The following FSTL5 variants were observed in gnomAD, a reference collection of about 807,000 sequenced individuals.
The protein encoded by FSTL5 is follistatin-related protein 5.
Under a neutral mutation model 89.1 loss-of-function variants are expected in FSTL5, and 62 were observed. The ratio of observed to expected loss-of-function variants is 0.70; its 90% CI spans 0.57 to 0.86. The LOEUF is 0.86. FSTL5 is among the 40% of genes least tolerant of loss of function. The pLI is 0.00. For missense variants in FSTL5, 1,057 were observed against 1,001.6 expected, an observed-to-expected ratio of 1.06 and a Z score of -0.75; for synonymous variants, 383 against 346.2, an observed-to-expected ratio of 1.11 and a Z score of -1.18.
At chr4:161,405,365 T>C (rs961975465) in intron 15 of FSTL5, among the ~76,000 whole-genome samples, 1 of 151,686 alleles carries the variant, frequency 6.6e-6, no homozygotes, top group African/African-American at 2.4e-5. Flanking sequence ...TAACAAAGAA[T>C]TATAAATACA....
At chr4:162,016,130 G>A (rs1434070844) in intron 3 of FSTL5, among the ~76,000 whole-genome samples, 7 of 151,962 alleles carry the variant, frequency 4.6e-5, no homozygotes, top group African/African-American at 9.7e-5. Context: ...ATCCACCTAC[G>A]GGCATCCTAA....
chr4:161,469,728 C>T (rs1733871563), intron 13 of FSTL5, among the ~76,000 whole-genome samples: 1 of 151,814 alleles, frequency 6.6e-6, no homozygotes, highest in Non-Finnish European at 1.5e-5. Context: ...AGCTCCGCCT[C>T]CCGGGTTCAC....
chr4:161,920,116 AC>A (rs1184332708), intron 4 of FSTL5, among the ~76,000 whole-genome samples: 3 of 152,142 alleles, frequency 2.0e-5, no homozygotes, highest in Non-Finnish European at 4.4e-5. Flanking sequence ...TGAATTGGCC[AC>A]CCTGTGTCCC....
intron 2 of FSTL5, among the ~76,000 whole-genome samples, chr4:162,087,120 C>G (rs1256808026): frequency 1.3e-5 from 2 of 152,054 alleles, no homozygotes; most frequent in African/African-American, 4.8e-5. Context: ...TCTAGATTTT[C>G]AGTGTTTTTC....
chr4:161,970,816 A>T (rs1214423347), intron 3 of FSTL5, among the ~76,000 whole-genome samples: 7 of 152,016 alleles, frequency 4.6e-5, no homozygotes, highest in South Asian at 2.1e-4. Context: ...GCAAAAAAAA[A>T]TTTTCAATAG....
chr4:161,491,544 A>G (rs1042901076), intron 12 of FSTL5, among the ~76,000 whole-genome samples: 1 of 152,078 alleles, frequency 6.6e-6, no homozygotes, highest in South Asian at 2.1e-4. Context: ...AATAACACTT[A>G]GGAGACAGCC....
At chr4:161,603,805 T>C (rs1734338996) in intron 7 of FSTL5, among the ~76,000 whole-genome samples, 1 of 152,010 alleles carries the variant, frequency 6.6e-6, no homozygotes. Flanking sequence ...CTGAAAAATA[T>C]TGCTTATAAT....
intron 6 of FSTL5, among the ~76,000 whole-genome samples, chr4:161,738,458 C>G (rs1425812916): frequency 6.6e-6 from 1 of 151,912 alleles, no homozygotes; most frequent in Non-Finnish European, 1.5e-5. Context: ...AAAGGGTGTT[C>G]AATCACTCTT....
intron 4 of FSTL5, among the ~76,000 whole-genome samples, chr4:161,834,010 T>G (rs1361863176): frequency 1.3e-5 from 2 of 152,114 alleles, no homozygotes; most frequent in Non-Finnish European, 2.9e-5. Flanking sequence ...GAAAGAGAAT[T>G]TTACACCAAT....
chr4:161,957,424 T>G (rs1171977079), intron 3 of FSTL5, among the ~76,000 whole-genome samples: 1 of 152,128 alleles, frequency 6.6e-6, no homozygotes, highest in Non-Finnish European at 1.5e-5. Context: ...TTCATTCTTT[T>G]CTTTGCTTCT....
intron 4 of FSTL5, among the ~76,000 whole-genome samples, chr4:161,855,780 G>C (rs1029972843): frequency 1.3e-5 from 2 of 152,050 alleles, no homozygotes; most frequent in Admixed American, 1.3e-4. Context: ...ACTTAGACTG[G>C]TAAAATACCA....
At chr4:161,713,012 C>A (rs1738852434) in intron 6 of FSTL5, among the ~76,000 whole-genome samples, 1 of 152,142 alleles carries the variant, frequency 6.6e-6, no homozygotes, top group Non-Finnish European at 1.5e-5. Context: ...TATAAATTAA[C>A]CAGTCTCAGG....
intron 6 of FSTL5, among the ~76,000 whole-genome samples, chr4:161,741,844 C>A (rs946226172): frequency 2.6e-5 from 4 of 151,842 alleles, no homozygotes; most frequent in Non-Finnish European, 4.4e-5. Flanking sequence ...CACACTGCCA[C>A]GCCAGGCTAA....
intron 15 of FSTL5, among the ~76,000 whole-genome samples, chr4:161,413,720 A>G (rs1164191785): frequency 6.6e-6 from 1 of 152,192 alleles, no homozygotes; most frequent in Non-Finnish European, 1.5e-5. Flanking sequence ...GGTAAATACG[A>G]ACCATGGAAT....
chr4:161,895,801 G>T (rs17536725), intron 4 of FSTL5, among the ~76,000 whole-genome samples: 18,293 of 152,094 alleles, frequency 0.12, 1,434 homozygotes, highest in Non-Finnish European at 0.17. Context: ...GCATGTGTTA[G>T]TGAGTGATTA....
chr4:162,063,356 T>C (rs933106903), intron 2 of FSTL5, among the ~76,000 whole-genome samples: 7 of 151,870 alleles, frequency 4.6e-5, no homozygotes, highest in African/African-American at 1.7e-4. Flanking sequence ...AATTTGCATA[T>C]TCATTTTCCA....
intron 3 of FSTL5, among the ~76,000 whole-genome samples, chr4:161,988,341 A>T (rs899872207): frequency 4.6e-5 from 7 of 152,166 alleles, no homozygotes; most frequent in African/African-American, 1.7e-4. Flanking sequence ...AAAACAGAAA[A>T]TGGGTCATTA....
intron 14 of FSTL5, among the ~76,000 whole-genome samples, chr4:161,458,317 A>G (rs762947403): frequency 7.9e-5 from 12 of 152,306 alleles, no homozygotes; most frequent in East Asian, 1.9e-4. Flanking sequence ...TATTTTTTCA[A>G]TGTTTCAAAT....
chr4:161,808,606 A>G (rs13145199), intron 4 of FSTL5, among the ~76,000 whole-genome samples: 111,942 of 151,766 alleles, frequency 0.74, 41,376 homozygotes, highest in Admixed American at 0.77. Flanking sequence ...TATTTCTTGC[A>G]TATGACACCA....
Sources: gnomAD v4.1 joint callset for allele counts (sites outside exome capture counted in the v4.1 genomes callset) on GRCh38, gnomAD v4.1.1 for gene constraint, MANE v1.5 for transcripts, NCBI Gene and HGNC (gene_info 2026-07-23, HGNC 2026-07-21) for gene names.